ASTN2: variants seen among roughly 807,000 people sequenced by gnomAD.
ASTN2 encodes the protein astrotactin 2.
ASTN2 carries 54 observed loss-of-function variants against 139.8 expected under a neutral mutation model. The ratio of observed to expected loss-of-function variants is 0.39; its 90% confidence interval spans 0.31 to 0.48. ASTN2 has a LOEUF of 0.48. Among genes scored for constraint, ASTN2 ranks in the 20% least tolerant of loss-of-function variants. The pLI is 0.95. For synonymous variants in ASTN2, 756 were observed against 719.5 expected (o/e 1.05, Z -0.81); for missense variants, 1,565 against 1,725.1 (o/e 0.91, Z 1.64).
In ASTN2 at chr9:117,025,061, C is replaced by G. The variant is rs115662269; in HGVS notation, c.1423+14758G>C. 1.6e-3 allele frequency among the ~76,000 whole-genome samples: 244 copies of G among 152,180 alleles called. 1 individual carries two copies. The highest frequency in any genetic ancestry group is 5.6e-3 in the African/African-American group (234 of 41,544). On this transcript the variant is annotated intron_variant, in intron 6 of 22. Transcript: ENST00000313400. ...GTGGAACTGTGAGTCAAACCTCCTTCCTCTAGGATTACCGAGTCTCGGGTA... is the reference window on the plus strand; with the variant it reads ...GTGGAACTGTGAGTCAAACCTCCTTGCTCTAGGATTACCGAGTCTCGGGTA...
intron 2 of ASTN2, among the ~76,000 whole-genome samples, chr9:117,252,980 C>T (rs1833579474): frequency 6.6e-6 from 1 of 152,214 alleles, no homozygotes; most frequent in African/African-American, 2.4e-5. Flanking sequence ...AGCTCTTCAT[C>T]TCAGAGTCAT....
chr9:116,596,329 C>T, intron 19 of ASTN2, among the ~76,000 whole-genome samples: 1 of 152,174 alleles, frequency 6.6e-6, no homozygotes, highest in Admixed American at 6.5e-5. Flanking sequence ...TTCTGTTATG[C>T]AAAACGAATA....
chr9:116,507,237 C>A (rs1223297282), intron 19 of ASTN2, among the ~76,000 whole-genome samples: 3 of 152,156 alleles, frequency 2.0e-5, no homozygotes, highest in African/African-American at 4.8e-5. Flanking sequence ...TATCCAAGCT[C>A]TCCATAGTTT....
intron 5 of ASTN2, among the ~76,000 whole-genome samples, chr9:117,056,863 G>A (rs1388387169): frequency 6.6e-6 from 1 of 152,196 alleles, no homozygotes; most frequent in Non-Finnish European, 1.5e-5. Context: ...GTCGCACAGG[G>A]CTAAGAGTAA....
intron 1 of ASTN2, among the ~76,000 whole-genome samples, chr9:117,324,156 G>C (rs188664089): frequency 2.0e-5 from 3 of 152,230 alleles, no homozygotes; most frequent in East Asian, 3.9e-4. Flanking sequence ...GCTCACAGGA[G>C]GCCAGGACAC....
At chr9:116,683,710 C>T (rs183628162) in intron 16 of ASTN2, among the ~76,000 whole-genome samples, 1 of 152,192 alleles carries the variant, frequency 6.6e-6, no homozygotes, top group Admixed American at 6.5e-5. Flanking sequence ...AAAAATACTT[C>T]CATGAAAAAA....
chr9:116,584,714 TAAATA>T (rs1466214020), intron 19 of ASTN2: 1 of 152,118 alleles, frequency 6.6e-6, no homozygotes, highest in Admixed American at 6.5e-5. Flanking sequence ...AAGTAATAAA[TAAATA>T]AAAGTCATCC....
chr9:116,461,630 T>C (rs1287434172), intron 20 of ASTN2, among the ~76,000 whole-genome samples: 1 of 152,100 alleles, frequency 6.6e-6, no homozygotes, highest in African/African-American at 2.4e-5. Flanking sequence ...AGATTTCGTA[T>C]GCCTTCTCCA....
intron 1 of ASTN2, among the ~76,000 whole-genome samples, chr9:117,337,814 C>T (rs1828933230): frequency 3.3e-5 from 5 of 152,084 alleles, no homozygotes; most frequent in Admixed American, 3.3e-4. Flanking sequence ...CAGAAGCAAA[C>T]ACAACTGACC....
At chr9:117,319,431 T>A (rs1425179499) in intron 1 of ASTN2, among the ~76,000 whole-genome samples, 1 of 152,126 alleles carries the variant, frequency 6.6e-6, no homozygotes, top group Non-Finnish European at 1.5e-5. Flanking sequence ...GGCATTAATA[T>A]TATTTTTCTT....
intron 17 of ASTN2, among the ~76,000 whole-genome samples, chr9:116,636,559 C>G (rs2131880033): frequency 6.6e-6 from 1 of 152,074 alleles, no homozygotes; most frequent in South Asian, 2.1e-4. Context: ...CCTGTAATCC[C>G]AGCTCCCAGC....
At chr9:116,426,935 T>C (rs900771632) in intron 22 of ASTN2, among the ~76,000 whole-genome samples, 2 of 152,148 alleles carry the variant, frequency 1.3e-5, no homozygotes, top group Non-Finnish European at 2.9e-5. Context: ...GAATGCGCCC[T>C]CAGGATCAAG....
At chr9:117,274,088 C>T (rs745769050) in intron 2 of ASTN2, among the ~76,000 whole-genome samples, 4 of 152,064 alleles carry the variant, frequency 2.6e-5, no homozygotes, top group Admixed American at 6.6e-5. Context: ...TGGTAGCTCA[C>T]GCCTGTAATC....
intron 3 of ASTN2, among the ~76,000 whole-genome samples, chr9:117,203,119 G>A (rs2132994649): frequency 6.6e-6 from 1 of 151,658 alleles, no homozygotes; most frequent in African/African-American, 2.4e-5. Context: ...CTTCTGCTTG[G>A]TTGATTTGGC....
At chr9:116,580,170 C>T (rs982490797) in intron 19 of ASTN2, among the ~76,000 whole-genome samples, 5 of 152,176 alleles carry the variant, frequency 3.3e-5, no homozygotes, top group Non-Finnish European at 7.4e-5. Flanking sequence ...AGAGGCCCTT[C>T]GTTGTTTCAC....
chr9:116,813,970 T>C (rs763136898), intron 12 of ASTN2, among the ~76,000 whole-genome samples: 9 of 140,392 alleles, frequency 6.4e-5, no homozygotes, highest in Non-Finnish European at 1.2e-4. Context: ...CGGGAGGAGG[T>C]GGTTGCGGTG....
At chr9:117,187,754 G>A (rs114699932) in intron 3 of ASTN2, among the ~76,000 whole-genome samples, 4,457 of 152,042 alleles carry the variant, frequency 0.029, 218 homozygotes, top group African/African-American at 0.1. Context: ...TGCAGAACTG[G>A]AAGAAATAAA....
In ASTN2 at chr9:116,905,374, G is replaced by A. The variant is rs553260367; in HGVS notation, c.1890-41641C>T. Among the ~76,000 whole-genome samples the A allele has an allele frequency of 3.3e-5, 5 of 152,248 alleles. No individual in the cohort carries two copies. The East Asian group carries it at 7.7e-4, about 24-fold the overall frequency. On this transcript the variant is annotated intron_variant, in intron 10 of 22. Transcript: ENST00000313400. Reference sequence around the variant, plus strand: ...TATAAAAGGAGACGAAGGGCCTGACGAATCCGCCAAGAAAGCAGCGTGTCC... The same window carrying A: ...TATAAAAGGAGACGAAGGGCCTGACAAATCCGCCAAGAAAGCAGCGTGTCC...
intron 1 of ASTN2, among the ~76,000 whole-genome samples, chr9:117,309,401 T>C (rs560548146): frequency 1.3e-5 from 2 of 152,346 alleles, no homozygotes; most frequent in Admixed American, 1.3e-4. Context: ...GCTTGGCCAA[T>C]GTCTGAACTA....
Sources: gnomAD v4.1 joint callset for allele counts (sites outside exome capture counted in the v4.1 genomes callset) on GRCh38, gnomAD v4.1.1 for gene constraint, MANE v1.5 for transcripts, NCBI Gene and HGNC (gene_info 2026-07-23, HGNC 2026-07-21) for gene names.